PCCA: variants seen among roughly 807,000 people sequenced by gnomAD.
The protein encoded by PCCA is propionyl-CoA carboxylase alpha chain, mitochondrial.
A neutral mutation model predicts 101.3 loss-of-function variants in PCCA; 74 were observed. The ratio of observed to expected loss-of-function variants is 0.73; its 90% CI spans 0.61 to 0.89. The LOEUF is 0.89. Among genes scored for constraint, PCCA ranks in the 40% least tolerant of loss-of-function variants. PCCA has a pLI of 0.00. For synonymous variants in PCCA, 294 were observed against 313.6 expected (o/e 0.94, Z 0.66); for missense variants, 891 against 907.0 (o/e 0.98, Z 0.23).
chr13:100,325,988 C>T lies in PCCA; in HGVS notation c.1430-4573C>T, dbSNP rs117999011. Among the ~76,000 whole-genome samples the T allele has an allele frequency of 7.9e-3, 1,206 of 152,182 alleles. 12 individuals carry two copies. Among genetic ancestry groups the T allele is most frequent in the Non-Finnish European group, 0.013 (912 of 68,010 alleles). ...GAGTACTGTAAGGTCCTTTCAGGCT[C>T]ATTATACACAGAGCTGTATGGAAAC... is the stretch of plus-strand genomic sequence containing the variant. On this transcript the variant is annotated intron_variant, in intron 16 of 23. Transcript: ENST00000376285.
chr13:100,303,994 T>A (rs2066268986), intron 14 of PCCA, among the ~76,000 whole-genome samples: 1 of 152,216 alleles, frequency 6.6e-6, no homozygotes, highest in African/African-American at 2.4e-5. Flanking sequence ...AAATAAGAAT[T>A]CATAATGATT....
At chr13:100,387,098 G>T in intron 19 of PCCA, among the ~76,000 whole-genome samples, 1 of 152,134 alleles carries the variant, frequency 6.6e-6, no homozygotes, top group Admixed American at 6.5e-5. Flanking sequence ...TGGTCCCACA[G>T]GTGTAAGTAC....
chr13:100,284,408 G>A (rs2064418491), intron 12 of PCCA, among the ~76,000 whole-genome samples: 1 of 152,314 alleles, frequency 6.6e-6, no homozygotes, highest in South Asian at 2.1e-4. Context: ...AAAAATGCCT[G>A]CCCAGTCCAA....
chr13:100,507,307 G>A (rs1013909344), intron 21 of PCCA, among the ~76,000 whole-genome samples: 1 of 152,172 alleles, frequency 6.6e-6, no homozygotes, highest in Non-Finnish European at 1.5e-5. Flanking sequence ...GACAGCTTGG[G>A]GGCACTTGGG....
intron 7 of PCCA, among the ~76,000 whole-genome samples, chr13:100,224,216 G>C (rs2060000339): frequency 6.6e-6 from 1 of 152,240 alleles, no homozygotes; most frequent in Non-Finnish European, 1.5e-5. Context: ...GCTAAGGCTG[G>C]GCGAGAAATC....
intron 1 of PCCA, among the ~76,000 whole-genome samples, chr13:100,101,480 T>C (rs1182670214): frequency 6.6e-6 from 1 of 152,200 alleles, no homozygotes; most frequent in Admixed American, 6.5e-5. Context: ...TAATTTCCCG[T>C]TCACAGTTCC....
intron 12 of PCCA, among the ~76,000 whole-genome samples, chr13:100,280,464 T>G (rs1029833502): frequency 6.6e-6 from 1 of 152,066 alleles, no homozygotes; most frequent in African/African-American, 2.4e-5. Context: ...GCTTGGAATG[T>G]TCTCTGTTCA....
chr13:100,381,089 A>T (rs2076198836), intron 19 of PCCA, among the ~76,000 whole-genome samples: 1 of 152,210 alleles, frequency 6.6e-6, no homozygotes, highest in Non-Finnish European at 1.5e-5. Context: ...GTCAGGTAAT[A>T]ACAAGTGTTG....
Position 100,427,698 on chromosome 13 carries a change from G to A in PCCA, c.1845+1967G>A, listed in dbSNP as rs560367231. 1.0e-3 allele frequency among the ~76,000 whole-genome samples: 155 copies of A among 151,434 alleles called. 1 individual carries two copies. The highest frequency in any genetic ancestry group is 1.0e-2 in the Admixed American group (152 of 15,236). On this transcript the variant is annotated intron_variant, in intron 20 of 23. Transcript: ENST00000376285. ...ATTGGAAGGAAATAAACTCAGAGAG[G>A]TAAATGGTGTACTAGGAAAAACAGT...
intron 4 of PCCA, among the ~76,000 whole-genome samples, chr13:100,120,350 T>C (rs1160726007): frequency 1.3e-5 from 2 of 152,114 alleles, no homozygotes; most frequent in African/African-American, 4.8e-5. Context: ...TGCTTCCTTT[T>C]TCTTTTTCAT....
intron 19 of PCCA, among the ~76,000 whole-genome samples, chr13:100,378,106 G>A (rs1463875151): frequency 4.6e-5 from 7 of 151,318 alleles, no homozygotes; most frequent in African/African-American, 1.5e-4. Context: ...CTTATAGGGC[G>A]GATATGGTGG....
intron 18 of PCCA, among the ~76,000 whole-genome samples, chr13:100,357,869 G>C (rs941247826): frequency 6.6e-6 from 1 of 152,200 alleles, no homozygotes; most frequent in African/African-American, 2.4e-5. Context: ...GGGAGCAACA[G>C]AGTGAAGAGT....
chr13:100,222,007 G>C (rs1257634082), intron 7 of PCCA, among the ~76,000 whole-genome samples: 1 of 151,920 alleles, frequency 6.6e-6, no homozygotes, highest in Non-Finnish European at 1.5e-5. Flanking sequence ...AAAGTGCTAG[G>C]ATTATAGGTG....
In PCCA at chr13:100,355,474, G is replaced by A. The variant is rs184750756; in HGVS notation, c.1644-12998G>A. On this transcript the variant is annotated intron_variant, in intron 18 of 23. Transcript: ENST00000376285. Reference sequence around the variant, plus strand: ...AACTAATGAGTCCTGGAAGGATACAGGATACAAGAATGATATGCAAATATC... The same window carrying A: ...AACTAATGAGTCCTGGAAGGATACAAGATACAAGAATGATATGCAAATATC... Among the ~76,000 whole-genome samples, 329 of 152,192 alleles carry A rather than the reference G, an allele frequency of 2.2e-3. 2 individuals carry two copies. The highest frequency in any genetic ancestry group is 3.7e-3 in the Admixed American group (56 of 15,294).
chr13:100,090,908 G>A lies in PCCA; in HGVS notation c.105+1683G>A, dbSNP rs115497389. Among the ~76,000 whole-genome samples, 1,371 of 152,290 alleles carry A rather than the reference G, an allele frequency of 9.0e-3. 24 individuals carry two copies. Among genetic ancestry groups the A allele is most frequent in the African/African-American group, 0.024 (981 of 41,560 alleles). ...GAACCTGTGCTCTTAATCATACTAT[G>A]CTATCTACGGTAAGGGAGTGTTTTC... is the stretch of plus-strand genomic sequence containing the variant. On this transcript the variant is annotated intron_variant, in intron 1 of 23. Coordinates refer to ENST00000376285, the MANE Select transcript of PCCA (RefSeq NM_000282.4).
chr13:100,461,286 T>C (rs1306091647), intron 21 of PCCA, among the ~76,000 whole-genome samples: 1 of 152,236 alleles, frequency 6.6e-6, no homozygotes, highest in African/African-American at 2.4e-5. Context: ...TCTGATATCA[T>C]AGGACTCGAA....
chr13:100,329,279 T>C (rs2152731435), intron 16 of PCCA, among the ~76,000 whole-genome samples: 1 of 152,228 alleles, frequency 6.6e-6, no homozygotes, highest in Admixed American at 6.5e-5. Context: ...ATTTTCTTAT[T>C]TGAGTTTAAA....
chr13:100,100,129 G>T (rs576621849), intron 1 of PCCA, among the ~76,000 whole-genome samples: 2 of 152,222 alleles, frequency 1.3e-5, no homozygotes, highest in African/African-American at 4.8e-5. Context: ...AATCAGGGAG[G>T]TGTCATCACC....
chr13:100,369,568 T>C (rs894885335), intron 19 of PCCA, among the ~76,000 whole-genome samples: 5 of 152,168 alleles, frequency 3.3e-5, no homozygotes, highest in African/African-American at 1.2e-4. Flanking sequence ...CATTCTTGTG[T>C]GGTGTCAGAC....
Sources: gnomAD v4.1 joint callset for allele counts (sites outside exome capture counted in the v4.1 genomes callset) on GRCh38, gnomAD v4.1.1 for gene constraint, MANE v1.5 for transcripts, NCBI Gene and HGNC (gene_info 2026-07-23, HGNC 2026-07-21) for gene names.